The following CD9 variants were observed in gnomAD, a reference collection of about 807,000 sequenced individuals.
CD9 encodes CD9 antigen.
CD9 carries 10 observed loss-of-function variants against 31.4 expected under a neutral mutation model. The ratio of observed to expected loss-of-function variants is 0.32; its 90% confidence interval spans 0.20 to 0.54. The LOEUF (loss-of-function observed/expected upper bound fraction) is 0.54, where lower values mean the gene tolerates loss of function less well. CD9 is among the 20% of genes least tolerant of loss of function. CD9 has a pLI of 0.94. For synonymous variants in CD9, 113 were observed against 114.1 expected (o/e 0.99, Z 0.06); for missense variants, 259 against 300.1 (o/e 0.86, Z 1.01).
chr12:6,236,156 T>C (rs962492804), intron 6 of CD9, 36 bp from the exon 7 acceptor site: 14 of 1,612,796 alleles, frequency 8.7e-6, no homozygotes, highest in South Asian at 1.1e-5. Context: ...GGAGGAAGGA[T>C]TGTGTGTGAC....
rs1354228597 is a variant in CD9, at chr12:6,238,201, A to G, written c.*373A>G. On this transcript the variant is annotated 3_prime_UTR_variant, in exon 8 of 8. Coordinates refer to ENST00000009180, the MANE Select transcript of CD9 (RefSeq NM_001769.4). ...ATAGATACAAATGTCTATCAACTTTAATCAAGTTGTAACTTATATTGAAGA... is the reference window on the plus strand; with the variant it reads ...ATAGATACAAATGTCTATCAACTTTGATCAAGTTGTAACTTATATTGAAGA... The G allele has an allele frequency of 6.1e-6, 1 of 164,552 alleles. No individual in the cohort carries two copies. The highest frequency in any genetic ancestry group is 2.4e-5 in the African/African-American group (1 of 41,766). 10.2% of individuals were successfully genotyped at this position (164,552 alleles called of 1,614,324 possible). A position where few individuals can be genotyped will look rare whatever the true frequency, so the allele number is the denominator to read the frequency against.
chr12:6,236,116 C>T (rs549424726), intron 6 of CD9, 76 bp from the exon 7 acceptor site: 115 of 1,589,560 alleles, frequency 7.2e-5, no homozygotes, highest in Middle Eastern at 1.7e-4. Context: ...CCGGGTGAGA[C>T]GGGGGCCATG....
chr12:6,236,211 A>C lies in CD9; in HGVS notation c.557A>C (p.Lys186Thr), dbSNP rs751483758. The C allele has an allele frequency of 1.7e-5, 27 of 1,614,108 alleles. No individual in the cohort carries two copies. The highest frequency in any genetic ancestry group is 2.1e-5 in the Non-Finnish European group (25 of 1,180,048). ...FTVKSCPDAIKEVFDNKFHII... is the reference protein window; with the variant it reads ...FTVKSCPDAITEVFDNKFHII... Reference sequence around the variant, plus strand: ...CCCAAGTCCTGTCCTGATGCCATCAAAGAGGTCTTCGACAATAAATTCCAC... The same window carrying C: ...CCCAAGTCCTGTCCTGATGCCATCACAGAGGTCTTCGACAATAAATTCCAC... Residue 186 changes from lysine (K) to threonine (T), a missense_variant, in exon 7 of 8, where the codon AAA becomes ACA. Lys to Thr is a moderately conservative substitution (Grantham distance 78, BLOSUM62 -1). Transcript: ENST00000009180.
At chr12:6,205,799 G>C (rs1007464879) in intron 1 of CD9, among the ~76,000 whole-genome samples, 11 of 152,188 alleles carry the variant, frequency 7.2e-5, no homozygotes, top group Non-Finnish European at 1.5e-4. Context: ...ACCTGGGTGA[G>C]CCTGGCTGTG....
chr12:6,215,667 C>G (rs1341942150), intron 1 of CD9, among the ~76,000 whole-genome samples: 2 of 152,092 alleles, frequency 1.3e-5, no homozygotes, highest in Non-Finnish European at 2.9e-5. Context: ...GAGAGATGGC[C>G]CCCAGGATGC....
intron 1 of CD9, among the ~76,000 whole-genome samples, chr12:6,207,540 A>G (rs1946146536): frequency 6.6e-6 from 1 of 152,250 alleles, no homozygotes; most frequent in Non-Finnish European, 1.5e-5. Flanking sequence ...CTCTTGGCTT[A>G]GCTTTTCCCA....
chr12:6,200,635 G>A (rs1037950195), intron 1 of CD9, 70 bp downstream of exon 1: 2 of 1,065,784 alleles, frequency 1.9e-6, no homozygotes, highest in Non-Finnish European at 2.9e-6. Context: ...CACTGGCCGC[G>A]GCCGCGAGTG....
At chr12:6,230,652 G>GT (rs1352452803) in intron 2 of CD9, among the ~76,000 whole-genome samples, 3 of 152,218 alleles carry the variant, frequency 2.0e-5, no homozygotes, top group Admixed American at 6.5e-5. Context: ...CTGTCCCCAT[G>GT]TGAGAGAACC....
At chr12:6,206,386 C>T (rs1946132866) in intron 1 of CD9, among the ~76,000 whole-genome samples, 1 of 152,066 alleles carries the variant, frequency 6.6e-6, no homozygotes, top group South Asian at 2.1e-4. Flanking sequence ...CTACACCCAG[C>T]TAACCTTTTA....
chr12:6,233,321 G>A (rs894901408), intron 3 of CD9, 91 bp from the exon 4 acceptor site: 2 of 902,070 alleles, frequency 2.2e-6, no homozygotes, highest in African/African-American at 3.3e-5. Context: ...TTCCCAGGGA[G>A]TTGTCCTTCT....
chr12:6,221,544 C>T (rs1946291894), intron 1 of CD9, among the ~76,000 whole-genome samples: 1 of 152,184 alleles, frequency 6.6e-6, no homozygotes, highest in Non-Finnish European at 1.5e-5. Context: ...GGGTGGAAGC[C>T]ATCGACCCCT....
chr12:6,232,697 G>T lies in CD9; in HGVS notation c.241G>T (p.Ala81Ser), dbSNP rs1360277538. ...MLVGFLGCCG[A>S]VQESQCMLGL... ...GGTGGGCTTCCTGGGCTGCTGCGGG[G>T]CTGTGCAGGAGTCCCAGTGCATGCT... Residue 81 changes from alanine (A) to serine (S), a missense_variant, in exon 3 of 8, where the codon GCT becomes TCT. Physicochemically the swap from Ala to Ser is moderately conservative, Grantham distance 99. Coordinates refer to ENST00000009180, the MANE Select transcript of CD9 (RefSeq NM_001769.4). The surrounding 1 kb of genome is among the most constrained non-coding windows in gnomAD (Gnocchi z 4.8). The T allele has an allele frequency of 1.9e-6, 3 of 1,575,060 alleles. No homozygotes were observed. The highest frequency in any genetic ancestry group is 2.7e-5 in the African/African-American group (2 of 74,250).
intron 1 of CD9, chr12:6,224,897 A>G (rs1254485221): frequency 6.5e-6 from 1 of 152,780 alleles, no homozygotes; most frequent in East Asian, 1.9e-4. Flanking sequence ...AACAGTTAGA[A>G]TACGACACCC....
At chr12:6,206,256 C>T (rs1946130917) in intron 1 of CD9, among the ~76,000 whole-genome samples, 1 of 151,564 alleles carries the variant, frequency 6.6e-6, no homozygotes, top group African/African-American at 2.4e-5. Flanking sequence ...CACTCTGTCA[C>T]CCAGGCTGGA....
intron 1 of CD9, among the ~76,000 whole-genome samples, chr12:6,221,439 A>G (rs1946290547): frequency 6.6e-6 from 1 of 152,128 alleles, no homozygotes; most frequent in East Asian, 1.9e-4. Flanking sequence ...CATCCGCATC[A>G]AACCTGCTCT....
chr12:6,237,044 T>A (rs1306583537), intron 7 of CD9, among the ~76,000 whole-genome samples: 1 of 152,144 alleles, frequency 6.6e-6, no homozygotes, highest in Non-Finnish European at 1.5e-5. Context: ...AGTGGTGTGA[T>A]CTCGACTCAC....
At chr12:6,229,537 G>A (rs998610984) in intron 2 of CD9, among the ~76,000 whole-genome samples, 7 of 152,204 alleles carry the variant, frequency 4.6e-5, no homozygotes, top group South Asian at 2.1e-4. Context: ...GAACCAAGAC[G>A]AAACCAGTCG....
At chr12:6,234,560 T>G (rs1946491401) in intron 4 of CD9, 1 of 151,988 alleles carries the variant, frequency 6.6e-6, no homozygotes, top group Non-Finnish European at 1.5e-5. Flanking sequence ...AGACAGATGC[T>G]GAAGGAAAAA....
intron 1 of CD9, 73 bp downstream of exon 1, chr12:6,200,638 C>A: frequency 1.9e-6 from 2 of 1,036,342 alleles, no homozygotes; most frequent in South Asian, 2.7e-5. Flanking sequence ...TGGCCGCGGC[C>A]GCGAGTGCCG....
Sources: allele counts gnomAD v4.1 joint callset (sites outside exome capture counted in the v4.1 genomes callset), GRCh38; gene constraint gnomAD v4.1.1; non-coding constraint Gnocchi (gnomAD v3.1); transcripts MANE v1.5; gene names NCBI Gene and HGNC (gene_info 2026-07-23, HGNC 2026-07-21).